The following FAM135B variants were observed in gnomAD, a reference collection of about 807,000 sequenced individuals.
FAM135B encodes the protein family with sequence similarity 135 member B.
In FAM135B, 43 loss-of-function variants were observed where a neutral mutation model predicts 127.7. The ratio of observed to expected loss-of-function variants is 0.34; its 90% confidence interval spans 0.26 to 0.43. The LOEUF is 0.43. Ranked by LOEUF, FAM135B falls within the 20% of genes least tolerant of loss-of-function variation. FAM135B has a pLI of 1.00. For missense variants in FAM135B, 1,558 were observed against 1,725.6 expected (o/e 0.90, Z 1.72); for synonymous variants, 670 against 665.1 (o/e 1.01, Z -0.11).
intron 7 of FAM135B, among the ~76,000 whole-genome samples, chr8:138,228,977 G>A (rs551983839): frequency 2.6e-4 from 39 of 152,220 alleles, no homozygotes; most frequent in Non-Finnish European, 4.3e-4. Context: ...GAGCACAGCC[G>A]CTTTTGCATT....
intron 12 of FAM135B, among the ~76,000 whole-genome samples, chr8:138,155,002 C>G (rs1357565636): frequency 6.6e-6 from 1 of 152,094 alleles, no homozygotes; most frequent in South Asian, 2.1e-4. Context: ...ATCAGATTCA[C>G]CAAAGTTGAA....
intron 7 of FAM135B, among the ~76,000 whole-genome samples, chr8:138,222,165 G>A (rs1012104941): frequency 2.0e-5 from 3 of 152,132 alleles, no homozygotes; most frequent in Non-Finnish European, 4.4e-5. Context: ...ACAACTGAGA[G>A]GTAAGGGGAT....
At chr8:138,417,332 T>G (rs1834221393) in intron 1 of FAM135B, among the ~76,000 whole-genome samples, 1 of 152,188 alleles carries the variant, frequency 6.6e-6, no homozygotes, top group South Asian at 2.1e-4. Context: ...ACCATAGCTC[T>G]TTCACTGGCA....
At chr8:138,175,140 G>C (rs997004386) in intron 11 of FAM135B, among the ~76,000 whole-genome samples, 1 of 152,096 alleles carries the variant, frequency 6.6e-6, no homozygotes, top group Admixed American at 6.6e-5. Context: ...GAAATGCCAA[G>C]GCCCATAGTC....
rs1818151864 is a variant in FAM135B at position 138,151,578 on chromosome 8, G to A, written c.2897C>T (p.Thr966Ile). The change falls in exon 13 of 20, where the codon ACA (threonine) becomes ATA (isoleucine). Residue 966 changes from threonine to isoleucine, a missense_variant. By Grantham distance (89) the Thr-to-Ile change is moderately conservative. Coordinates refer to ENST00000395297, the MANE Select transcript of FAM135B (RefSeq NM_015912.4). ...GGCATTCACTCCTCTATTAAATGCT[G>A]TGTCATCCATAATGCAAGGTGAACC... ...QSGSPCIMDD[T>I]AFNRGVNAFP... 1.2e-6 allele frequency: 2 copies of A among 1,614,076 alleles called. No homozygotes were observed. The highest frequency in any genetic ancestry group is 1.7e-6 in the Non-Finnish European group (2 of 1,180,044).
chr8:138,311,633 A>G (rs1407590925), intron 2 of FAM135B, among the ~76,000 whole-genome samples: 1 of 152,174 alleles, frequency 6.6e-6, no homozygotes, highest in Non-Finnish European at 1.5e-5. Context: ...TTTGAAACCC[A>G]TTGTGAAATG....
chr8:138,464,419 G>A (rs1312607213), intron 1 of FAM135B, among the ~76,000 whole-genome samples: 3 of 152,104 alleles, frequency 2.0e-5, no homozygotes, highest in Non-Finnish European at 4.4e-5. Flanking sequence ...ACATGGCACA[G>A]GATGCCAAGA....
intron 7 of FAM135B, among the ~76,000 whole-genome samples, chr8:138,198,075 T>C (rs1026942587): frequency 2.0e-5 from 3 of 152,198 alleles, no homozygotes; most frequent in Non-Finnish European, 4.4e-5. Flanking sequence ...CCTTGAATTG[T>C]AATAATCTCC....
chr8:138,275,362 C>A (rs910626079), intron 3 of FAM135B, among the ~76,000 whole-genome samples: 27 of 152,120 alleles, frequency 1.8e-4, no homozygotes, highest in Non-Finnish European at 2.9e-4. Flanking sequence ...TCTGCTCTTA[C>A]CACCTATTTG....
At position 138,242,348 on chromosome 8, in the gene FAM135B, G is replaced by A. The variant is rs1336438798; in HGVS notation, c.669+594C>T. Among the ~76,000 whole-genome samples, 2 of 151,964 alleles carry A rather than the reference G, an allele frequency of 1.3e-5. No individual in the cohort carries two copies. The highest frequency in any genetic ancestry group is 2.9e-5 in the Non-Finnish European group (2 of 68,014). On this transcript the variant is annotated intron_variant, in intron 7 of 19. Coordinates refer to ENST00000395297, the MANE Select transcript of FAM135B (RefSeq NM_015912.4). The surrounding 1 kb of genome is among the most constrained non-coding windows in gnomAD (Gnocchi z 9.6). ...AGAAATATGAGCAGAATCATACCCT[G>A]TGTGGTTAAAGCCCTGCACATCACA...
intron 2 of FAM135B, among the ~76,000 whole-genome samples, chr8:138,344,426 C>T (rs1002719322): frequency 6.6e-6 from 1 of 152,152 alleles, no homozygotes; most frequent in Non-Finnish European, 1.5e-5. Flanking sequence ...CGGGGTTGCA[C>T]GACTGCCCTT....
intron 1 of FAM135B, among the ~76,000 whole-genome samples, chr8:138,381,563 T>G (rs1831859663): frequency 6.6e-6 from 1 of 152,138 alleles, no homozygotes; most frequent in African/African-American, 2.4e-5. Context: ...GCAAGAAACA[T>G]GGCAGAGAAT....
intron 11 of FAM135B, among the ~76,000 whole-genome samples, chr8:138,171,891 T>C (rs140332434): frequency 3.3e-5 from 5 of 152,242 alleles, no homozygotes; most frequent in African/African-American, 1.2e-4. Flanking sequence ...CCTGAGTGTA[T>C]GCAAGTGCAC....
intron 2 of FAM135B, among the ~76,000 whole-genome samples, chr8:138,318,493 TC>T (rs1462776670): frequency 1.3e-5 from 2 of 152,068 alleles, no homozygotes; most frequent in East Asian, 3.9e-4. Flanking sequence ...TCTTGGTTGA[TC>T]CCCCACAAAT....
chr8:138,220,919 C>T (rs1180904592), intron 7 of FAM135B, among the ~76,000 whole-genome samples: 1 of 152,212 alleles, frequency 6.6e-6, no homozygotes, highest in Admixed American at 6.5e-5. Context: ...CGTGAAATAA[C>T]TAAAATATAG....
intron 1 of FAM135B, among the ~76,000 whole-genome samples, chr8:138,429,637 T>G (rs1188118641): frequency 6.6e-6 from 1 of 152,208 alleles, no homozygotes; most frequent in Non-Finnish European, 1.5e-5. Flanking sequence ...GACAGCTTTC[T>G]GTTAATGACT....
intron 7 of FAM135B, among the ~76,000 whole-genome samples, chr8:138,203,574 A>G (rs1054056161): frequency 6.6e-6 from 1 of 152,128 alleles, no homozygotes; most frequent in African/African-American, 2.4e-5. Context: ...GGGTCATATC[A>G]TCATCCACTG....
chr8:138,178,212 C>T lies in FAM135B; in HGVS notation c.1029+323G>A, dbSNP rs1814666958. 2.0e-5 allele frequency among the ~76,000 whole-genome samples: 3 copies of T among 151,070 alleles called. No individual in the cohort carries two copies. In the South Asian group the frequency reaches 6.3e-4, roughly 32 times the overall value. Reference sequence around the variant, plus strand: ...GCAGTGAGCGGAGATTGCACCACTGCACTCCAGTCTGGGTGACAGAGCGAG... The same window carrying T: ...GCAGTGAGCGGAGATTGCACCACTGTACTCCAGTCTGGGTGACAGAGCGAG... On this transcript the variant is annotated intron_variant, in intron 10 of 19. Transcript: ENST00000395297.
chr8:138,380,166 TTTC>T (rs1352712347), intron 1 of FAM135B, among the ~76,000 whole-genome samples: 2 of 151,938 alleles, frequency 1.3e-5, no homozygotes, highest in Admixed American at 1.3e-4. Flanking sequence ...ACCATATGGG[TTTC>T]TTTCTTTTTT....
Sources: gnomAD v4.1 joint callset for allele counts (sites outside exome capture counted in the v4.1 genomes callset) on GRCh38, gnomAD v4.1.1 for gene constraint, Gnocchi (gnomAD v3.1) non-coding constraint, MANE v1.5 for transcripts, NCBI Gene and HGNC (gene_info 2026-07-23, HGNC 2026-07-21) for gene names.